Variants in LRP1B observed in about 807,000 individuals in gnomAD.
LRP1B encodes the protein LDL receptor related protein 1B.
Under a neutral mutation model 556.6 loss-of-function variants are expected in LRP1B, and 217 were observed. The ratio of observed to expected loss-of-function variants is 0.39; its 90% CI spans 0.35 to 0.44. The LOEUF (loss-of-function observed/expected upper bound fraction) is 0.44, where lower values mean the gene tolerates loss of function less well. Ranked by LOEUF, LRP1B falls within the 20% of genes least tolerant of loss-of-function variation. LRP1B has a pLI of 1.00. For synonymous variants in LRP1B, 2,047 were observed against 1,865.8 expected (o/e 1.10, Z -2.50); for missense variants, 5,053 against 5,620.8 (o/e 0.90, Z 3.23).
At chr2:141,140,065 T>C (rs73962827) in intron 7 of LRP1B, among the ~76,000 whole-genome samples, 13,002 of 152,000 alleles carry the variant, frequency 0.086, 964 homozygotes, top group African/African-American at 0.2. Context: ...AAAATAACTA[T>C]GCTGGGTGAA....
intron 41 of LRP1B, among the ~76,000 whole-genome samples, chr2:140,679,491 T>C (rs1472676588): frequency 6.6e-6 from 1 of 152,236 alleles, no homozygotes; most frequent in Non-Finnish European, 1.5e-5. Context: ...ATGATGTACA[T>C]TTAAATACTA....
intron 35 of LRP1B, among the ~76,000 whole-genome samples, chr2:140,767,534 G>A (rs1181013780): frequency 1.3e-5 from 2 of 151,894 alleles, no homozygotes; most frequent in African/African-American, 4.8e-5. Flanking sequence ...AAACTTTGGA[G>A]AGTGAATTTA....
intron 2 of LRP1B, among the ~76,000 whole-genome samples, chr2:141,604,135 G>A (rs1359591894): frequency 1.3e-5 from 2 of 152,102 alleles, no homozygotes; most frequent in African/African-American, 4.8e-5. Context: ...TCGATAGATG[G>A]TCCATGGAAA....
intron 1 of LRP1B, among the ~76,000 whole-genome samples, chr2:141,954,204 G>C (rs1213447479): frequency 1.3e-5 from 2 of 151,870 alleles, no homozygotes; most frequent in Admixed American, 6.6e-5. Context: ...ATTGGTTTTG[G>C]AGTCCTATAG....
chr2:140,716,332 C>T (rs1237125639), intron 36 of LRP1B, among the ~76,000 whole-genome samples: 1 of 152,026 alleles, frequency 6.6e-6, no homozygotes, highest in East Asian at 1.9e-4. Flanking sequence ...GATATATTTA[C>T]ATGGTAAAAC....
At chr2:141,337,251 G>A (rs765067329) in intron 3 of LRP1B, among the ~76,000 whole-genome samples, 1 of 152,150 alleles carries the variant, frequency 6.6e-6, no homozygotes. Flanking sequence ...TTGATTTATA[G>A]TGGTATGTCA....
intron 3 of LRP1B, among the ~76,000 whole-genome samples, chr2:141,274,902 C>T (rs548068761): frequency 2.6e-5 from 4 of 152,190 alleles, no homozygotes; most frequent in African/African-American, 9.6e-5. Flanking sequence ...AGAATAAAGA[C>T]GTTTTTGGAC....
intron 21 of LRP1B, among the ~76,000 whole-genome samples, chr2:140,917,444 C>T (rs570664211): frequency 1.3e-5 from 2 of 152,200 alleles, no homozygotes; most frequent in Admixed American, 6.5e-5. Context: ...TTGGAAACAA[C>T]AAAGATGTCC....
chr2:141,698,511 G>T (rs935066446), intron 2 of LRP1B, among the ~76,000 whole-genome samples: 2 of 149,898 alleles, frequency 1.3e-5, no homozygotes, highest in Non-Finnish European at 3.0e-5. Flanking sequence ...AAAAAAAAGA[G>T]TTTGACTATT....
chr2:141,745,296 A>G (rs1427500338), intron 2 of LRP1B, among the ~76,000 whole-genome samples: 1 of 152,112 alleles, frequency 6.6e-6, no homozygotes. Flanking sequence ...CCATGCCCCA[A>G]GTGGGTCTTT....
rs774525807 is a variant in LRP1B at position 140,475,123 on chromosome 2, T to G, written c.9625+15A>C. On this transcript the variant is annotated intron_variant, in intron 60 of 90. Coordinates refer to ENST00000389484, the MANE Select transcript of LRP1B (RefSeq NM_018557.3). ...ACCTGGTAAAATACTAGAATATTTA[T>G]GTTACTGGACCAACCTTTGTGTCTA... 7.2e-7 allele frequency: 1 copy of G among 1,390,832 alleles called. No individual in the cohort carries two copies. Among genetic ancestry groups the G allele is most frequent in the Non-Finnish European group, 9.5e-7 (1 of 1,050,244 alleles). The allele number at this position is 1,390,832 out of a possible 1,614,324, so 86.2% of individuals were successfully genotyped here. A position where few individuals can be genotyped will look rare whatever the true frequency, so the allele number is the denominator to read the frequency against.
chr2:140,666,950 G>C (rs1041895280), intron 41 of LRP1B, among the ~76,000 whole-genome samples: 18 of 152,146 alleles, frequency 1.2e-4, no homozygotes, highest in African/African-American at 4.1e-4. Context: ...TTGCATTAAG[G>C]CATAACATTT....
intron 41 of LRP1B, among the ~76,000 whole-genome samples, chr2:140,615,063 C>T (rs139366023): frequency 2.0e-5 from 3 of 152,194 alleles, no homozygotes; most frequent in South Asian, 2.1e-4. Flanking sequence ...GTAACAGAGG[C>T]CACAAGATTT....
rs569591271 is a variant in LRP1B at position 141,346,559 on chromosome 2, CCT to C, written c.344-91920_344-91919del. ...TCCAGGATTCAGGTGTCTTACTCTC[CCT>C]GTTTCAACATGAATGAACTGTGTGA... On this transcript the variant is annotated intron_variant, in intron 3 of 90. Coordinates refer to ENST00000389484, the MANE Select transcript of LRP1B (RefSeq NM_018557.3). 1.1e-4 allele frequency among the ~76,000 whole-genome samples: 17 copies of C among 152,188 alleles called. No individual in the cohort carries two copies. In the South Asian group the frequency reaches 3.5e-3, roughly 32 times the overall value.
At chr2:141,822,380 A>T (rs895241707) in intron 1 of LRP1B, among the ~76,000 whole-genome samples, 8 of 152,308 alleles carry the variant, frequency 5.3e-5, no homozygotes, top group Non-Finnish European at 8.8e-5. Flanking sequence ...AAGTTATTTC[A>T]TATACTACCA....
intron 2 of LRP1B, among the ~76,000 whole-genome samples, chr2:141,674,994 T>C (rs1391233644): frequency 6.6e-6 from 1 of 152,050 alleles, no homozygotes; most frequent in Non-Finnish European, 1.5e-5. Flanking sequence ...TTTTGATTTG[T>C]ATTTTCACTC....
chr2:141,550,636 T>A (rs1476918570), intron 2 of LRP1B, among the ~76,000 whole-genome samples: 1 of 152,158 alleles, frequency 6.6e-6, no homozygotes, highest in African/African-American at 2.4e-5. Context: ...TTCATCTCCC[T>A]AATTTTCTTA....
intron 1 of LRP1B, among the ~76,000 whole-genome samples, chr2:141,972,953 AAAT>A (rs753051581): frequency 2.8e-4 from 43 of 151,782 alleles, no homozygotes; most frequent in Non-Finnish European, 4.0e-4. Flanking sequence ...TGAATGTATC[AAAT>A]AATATTTAAT....
intron 3 of LRP1B, among the ~76,000 whole-genome samples, chr2:141,471,481 A>G (rs1682471962): frequency 6.6e-6 from 1 of 152,126 alleles, no homozygotes; most frequent in Non-Finnish European, 1.5e-5. Context: ...ACAATACTTT[A>G]TCCTGCACTT....
Sources: allele counts gnomAD v4.1 joint callset (sites outside exome capture counted in the v4.1 genomes callset), GRCh38; gene constraint gnomAD v4.1.1; transcripts MANE v1.5; gene names NCBI Gene and HGNC (gene_info 2026-07-23, HGNC 2026-07-21).